Variants in WDR70 observed in about 807,000 individuals in gnomAD.
The protein encoded by WDR70 is WD repeat-containing protein 70.
In WDR70, 53 loss-of-function variants were observed where a neutral mutation model predicts 88.6. That is an observed-to-expected ratio of 0.60 (90% confidence interval 0.48 to 0.75). The LOEUF (loss-of-function observed/expected upper bound fraction) is 0.75, where lower values mean the gene tolerates loss of function less well. Ranked by LOEUF, WDR70 falls within the 30% of genes least tolerant of loss-of-function variation. The probability of loss-of-function intolerance (pLI) is 0.00; values close to 1 mark genes in which losing one functional copy is unlikely to be tolerated. For missense variants in WDR70, 610 were observed against 823.2 expected, an observed-to-expected ratio of 0.74 and a Z score of 3.17; for synonymous variants, 280 against 270.0, an observed-to-expected ratio of 1.04 and a Z score of -0.36.
chr5:37,423,512 G>A (rs1160206359), intron 5 of WDR70, among the ~76,000 whole-genome samples: 1 of 149,406 alleles, frequency 6.7e-6, no homozygotes, highest in African/African-American at 2.5e-5. Context: ...ATTATAAATT[G>A]AAACACTGAT....
chr5:37,557,677 G>A (rs1408346657), intron 9 of WDR70, among the ~76,000 whole-genome samples: 1 of 151,990 alleles, frequency 6.6e-6, no homozygotes, highest in Non-Finnish European at 1.5e-5. Context: ...AGCAGAGTCA[G>A]TGCTGAGTTT....
intron 10 of WDR70, among the ~76,000 whole-genome samples, chr5:37,605,487 A>T (rs1162485589): frequency 6.6e-6 from 1 of 151,350 alleles, no homozygotes; most frequent in Non-Finnish European, 1.5e-5. Flanking sequence ...CTCTTTTGGT[A>T]TAAAATTTAA....
intron 17 of WDR70, among the ~76,000 whole-genome samples, chr5:37,746,699 C>A (rs993265038): frequency 1.3e-5 from 2 of 152,164 alleles, no homozygotes; most frequent in Non-Finnish European, 2.9e-5. Flanking sequence ...GACACATACA[C>A]CCTCCCAAGA....
intron 5 of WDR70, among the ~76,000 whole-genome samples, chr5:37,404,514 A>G (rs1346314353): frequency 6.6e-6 from 1 of 152,212 alleles, no homozygotes; most frequent in Admixed American, 6.5e-5. Context: ...TCTCTGAAGC[A>G]TTAGTGTTTA....
intron 9 of WDR70, among the ~76,000 whole-genome samples, chr5:37,603,836 GT>G (rs1326467497): frequency 6.6e-6 from 1 of 152,088 alleles, no homozygotes; most frequent in Non-Finnish European, 1.5e-5. Context: ...TTGCTTTAGA[GT>G]TTGTAATATA....
chr5:37,613,712 A>T (rs1403940433), intron 10 of WDR70, among the ~76,000 whole-genome samples: 1 of 152,194 alleles, frequency 6.6e-6, no homozygotes, highest in Admixed American at 6.6e-5. Flanking sequence ...CTTACTAAGT[A>T]CTTACTGTGA....
intron 2 of WDR70, among the ~76,000 whole-genome samples, chr5:37,380,450 G>C (rs977552081): frequency 5.9e-5 from 9 of 151,382 alleles, no homozygotes; most frequent in African/African-American, 2.2e-4. Flanking sequence ...GCCATTCTCC[G>C]GTCTCAGCCT....
chr5:37,380,728 GCCT>G (rs1039596459), intron 2 of WDR70, among the ~76,000 whole-genome samples: 2 of 152,064 alleles, frequency 1.3e-5, no homozygotes, highest in African/African-American at 4.8e-5. Flanking sequence ...GCTCATTGCA[GCCT>G]CCTCCTCCCA....
At chr5:37,539,621 A>G (rs956576534) in intron 9 of WDR70, among the ~76,000 whole-genome samples, 9 of 152,232 alleles carry the variant, frequency 5.9e-5, no homozygotes, top group Admixed American at 5.9e-4. Context: ...GAGAGGGGGA[A>G]GTGTTAGAGG....
At chr5:37,454,027 G>T (rs532206762) in intron 7 of WDR70, among the ~76,000 whole-genome samples, 1 of 152,150 alleles carries the variant, frequency 6.6e-6, no homozygotes, top group East Asian at 1.9e-4. Flanking sequence ...ACAGTGTTTG[G>T]GATATACTTG....
At chr5:37,725,566 T>C (rs1200176981) in intron 16 of WDR70, among the ~76,000 whole-genome samples, 1 of 152,112 alleles carries the variant, frequency 6.6e-6, no homozygotes, top group Non-Finnish European at 1.5e-5. Context: ...GCTAATAGTA[T>C]AGCACGTACC....
chr5:37,497,299 CTCCCT>C (rs1375666378), intron 8 of WDR70, among the ~76,000 whole-genome samples: 1 of 143,854 alleles, frequency 7.0e-6, no homozygotes, highest in East Asian at 2.2e-4. Flanking sequence ...CCCTTCCCTT[CTCCCT>C]TCCCTTCCCT....
chr5:37,497,683 TA>T (rs1157922748), intron 8 of WDR70, among the ~76,000 whole-genome samples: 2 of 152,108 alleles, frequency 1.3e-5, no homozygotes. Context: ...TTTAATTAAT[TA>T]TTTTTTTTCT....
At chr5:37,422,253 C>G (rs1749966333) in intron 5 of WDR70, among the ~76,000 whole-genome samples, 1 of 151,280 alleles carries the variant, frequency 6.6e-6, no homozygotes, top group African/African-American at 2.4e-5. Flanking sequence ...TTAACTTTAC[C>G]TGAAACAGTA....
chr5:37,430,562 C>T (rs1046403313), intron 5 of WDR70, among the ~76,000 whole-genome samples: 3 of 151,678 alleles, frequency 2.0e-5, no homozygotes, highest in African/African-American at 4.8e-5. Context: ...TTTTTCTTTT[C>T]TTTTTTTCTT....
At chr5:37,573,311 T>C (rs1742961683) in intron 9 of WDR70, among the ~76,000 whole-genome samples, 1 of 152,164 alleles carries the variant, frequency 6.6e-6, no homozygotes. Context: ...TATCCGTCAG[T>C]AGCTCTCATT....
At chr5:37,557,961 T>TGAAAACTCTTCAAGAGA (rs1176435994) in intron 9 of WDR70, among the ~76,000 whole-genome samples, 2 of 148,286 alleles carry the variant, frequency 1.3e-5, no homozygotes, top group African/African-American at 5.0e-5. Context: ...AAGAGTATTA[T>TGAAAACTCTTCAAGAGA]GTATATTTAT....
intron 10 of WDR70, among the ~76,000 whole-genome samples, chr5:37,675,026 GTCT>G (rs1746157521): frequency 1.3e-5 from 2 of 151,690 alleles, no homozygotes; most frequent in South Asian, 4.2e-4. Flanking sequence ...CTGCATAAAT[GTCT>G]TCTTTTGAGA....
chr5:37,691,953 C>G (rs957873384), intron 10 of WDR70, among the ~76,000 whole-genome samples: 36 of 152,070 alleles, frequency 2.4e-4, no homozygotes, highest in African/African-American at 7.7e-4. Context: ...ATTGATAGAC[C>G]ACTAGCAAGA....
Sources: gnomAD v4.1 joint callset for allele counts (sites outside exome capture counted in the v4.1 genomes callset) on GRCh38, gnomAD v4.1.1 for gene constraint, MANE v1.5 for transcripts, NCBI Gene and HGNC (gene_info 2026-07-23, HGNC 2026-07-21) for gene names.